The following PMEPA1 variants were observed in gnomAD, a reference collection of about 807,000 sequenced individuals.
PMEPA1 encodes the protein protein TMEPAI.
PMEPA1 carries 11 observed loss-of-function variants against 23.0 expected under a neutral mutation model. The ratio of observed to expected loss-of-function variants is 0.48; its 90% CI spans 0.30 to 0.79. The LOEUF is 0.79. PMEPA1 is among the 30% of genes least tolerant of loss of function. The pLI is 0.06. For missense variants in PMEPA1, 377 were observed against 390.9 expected (o/e 0.96, Z 0.30); for synonymous variants, 204 against 166.4 (o/e 1.23, Z -1.74).
chr20:57,656,120 G>A lies in PMEPA1; in HGVS notation c.265-3034C>T, dbSNP rs1350232794. On this transcript the variant is annotated intron_variant, in intron 2 of 3. Transcript: ENST00000341744. The surrounding 1 kb of genome is among the most constrained non-coding windows in gnomAD (Gnocchi z 4.7). ...ACGGGATGGCCTTCTATCAAACTTCGAGGACTCAGAGATGTTTCTAAAGAA... is the reference window on the plus strand; with the variant it reads ...ACGGGATGGCCTTCTATCAAACTTCAAGGACTCAGAGATGTTTCTAAAGAA... 6.6e-6 allele frequency among the ~76,000 whole-genome samples: 1 copy of A among 151,350 alleles called. No homozygotes were observed. Among genetic ancestry groups the A allele is most frequent in the Non-Finnish European group, 1.5e-5 (1 of 67,704 alleles).
At chr20:57,662,868 C>T (rs1038682930) in intron 1 of PMEPA1, among the ~76,000 whole-genome samples, 4 of 152,158 alleles carry the variant, frequency 2.6e-5, no homozygotes, top group Admixed American at 6.5e-5. Flanking sequence ...CCTGGCAGCC[C>T]GCAGGACCCA....
intron 1 of PMEPA1, among the ~76,000 whole-genome samples, chr20:57,677,480 A>C (rs2071653824): frequency 6.6e-6 from 1 of 152,184 alleles, no homozygotes; most frequent in African/African-American, 2.4e-5. Flanking sequence ...GGCTAACACC[A>C]CACCTGACAC....
chr20:57,702,371 G>C (rs1366546216), intron 1 of PMEPA1, among the ~76,000 whole-genome samples: 2 of 152,246 alleles, frequency 1.3e-5, no homozygotes, highest in Admixed American at 6.5e-5. Flanking sequence ...GAGAGCTGGA[G>C]ACAGAGACAC....
chr20:57,698,007 G>A (rs1470333593), intron 1 of PMEPA1, among the ~76,000 whole-genome samples: 1 of 152,170 alleles, frequency 6.6e-6, no homozygotes, highest in Non-Finnish European at 1.5e-5. Flanking sequence ...TTAAACATTT[G>A]TTTCATGGTA....
chr20:57,674,939 G>A lies in PMEPA1; in HGVS notation c.110-15242C>T, dbSNP rs116580127. 3.6e-3 allele frequency among the ~76,000 whole-genome samples: 549 copies of A among 152,318 alleles called. 5 individuals are homozygous for A. Among genetic ancestry groups the A allele is most frequent in the African/African-American group, 0.012 (505 of 41,568 alleles). ...TCTGGACAGATGAATGTGGACATAC[G>A]AGGAATAGCTTGGAATCTTCTAAAG... On this transcript the variant is annotated intron_variant, in intron 1 of 3. Coordinates refer to ENST00000341744, the MANE Select transcript of PMEPA1 (RefSeq NM_020182.5).
chr20:57,671,579 CATATAT>C (rs1012105556), intron 1 of PMEPA1, among the ~76,000 whole-genome samples: 1 of 151,856 alleles, frequency 6.6e-6, no homozygotes, highest in Non-Finnish European at 1.5e-5. Flanking sequence ...TATCCCTGTT[CATATAT>C]ATATATTGCA....
intron 1 of PMEPA1, among the ~76,000 whole-genome samples, chr20:57,692,487 C>G (rs2071895271): frequency 6.6e-6 from 1 of 152,120 alleles, no homozygotes; most frequent in African/African-American, 2.4e-5. Flanking sequence ...TACTCCTGAG[C>G]CCGGTCCCCC....
At position 57,684,243 on chromosome 20, in the gene PMEPA1, A is replaced by G. The variant is rs114539186; in HGVS notation, c.110-24546T>C. On this transcript the variant is annotated intron_variant, in intron 1 of 3. Transcript: ENST00000341744. ...AAATTTATGGCTTTGCAGCAGGTCA[A>G]TGGTAATGACAATAGTTTTCACGGG... Among the ~76,000 whole-genome samples the G allele has an allele frequency of 7.0e-3, 1,041 of 148,610 alleles. 11 individuals carry two copies. The highest frequency in any genetic ancestry group is 0.023 in the African/African-American group (931 of 40,984).
chr20:57,685,918 T>A (rs1412427123), intron 1 of PMEPA1, among the ~76,000 whole-genome samples: 1 of 152,170 alleles, frequency 6.6e-6, no homozygotes, highest in African/African-American at 2.4e-5. Flanking sequence ...ACTTTGCATT[T>A]TAGCCCTTCT....
chr20:57,669,072 G>C (rs2071532150), intron 1 of PMEPA1, among the ~76,000 whole-genome samples: 1 of 152,108 alleles, frequency 6.6e-6, no homozygotes, highest in Admixed American at 6.5e-5. Flanking sequence ...ATTCTCCATG[G>C]TGTCCTCAGC....
chr20:57,702,704 T>C (rs1037579731), intron 1 of PMEPA1, among the ~76,000 whole-genome samples: 3 of 152,210 alleles, frequency 2.0e-5, no homozygotes, highest in Non-Finnish European at 4.4e-5. Flanking sequence ...CTGTGTGACC[T>C]CGAGCAAGTA....
chr20:57,701,983 G>C (rs2072017685), intron 1 of PMEPA1, among the ~76,000 whole-genome samples: 1 of 152,142 alleles, frequency 6.6e-6, no homozygotes, highest in South Asian at 2.1e-4. Flanking sequence ...ACAGGAGGAA[G>C]GCCAGGGTGC....
intron 1 of PMEPA1, among the ~76,000 whole-genome samples, chr20:57,673,142 C>T (rs538639720): frequency 6.6e-6 from 1 of 152,226 alleles, no homozygotes; most frequent in South Asian, 2.1e-4. Flanking sequence ...TCTTGGCCGC[C>T]AGCACCCTGG....
intron 1 of PMEPA1, among the ~76,000 whole-genome samples, chr20:57,706,275 T>C (rs2072086151): frequency 6.6e-6 from 1 of 151,996 alleles, no homozygotes; most frequent in Admixed American, 6.5e-5. Context: ...TTTGAGGCAA[T>C]AACCAGAGGA....
intron 1 of PMEPA1, among the ~76,000 whole-genome samples, chr20:57,693,745 C>T (rs571173789): frequency 6.6e-6 from 1 of 152,046 alleles, no homozygotes; most frequent in East Asian, 1.9e-4. Flanking sequence ...ACATCGAGAT[C>T]TTGGTTAAAA....
chr20:57,679,974 G>A (rs1374986679), intron 1 of PMEPA1, among the ~76,000 whole-genome samples: 2 of 152,202 alleles, frequency 1.3e-5, no homozygotes, highest in Non-Finnish European at 2.9e-5. Flanking sequence ...CAGTTCCTTG[G>A]GTACAGGCTG....
At chr20:57,672,920 G>A (rs1018680280) in intron 1 of PMEPA1, among the ~76,000 whole-genome samples, 2 of 152,226 alleles carry the variant, frequency 1.3e-5, no homozygotes, top group Non-Finnish European at 2.9e-5. Flanking sequence ...ATCTGGAAAA[G>A]CGGAATACCA....
rs140986117 is a variant in PMEPA1 at position 57,669,257 on chromosome 20, G to T, written c.110-9560C>A. 1.6e-3 allele frequency among the ~76,000 whole-genome samples: 241 copies of T among 152,044 alleles called. 4 individuals carry two copies. The East Asian group carries it at 0.033, about 21-fold the overall frequency. ...GACTCACTGCAACCTCCACCTCCTG[G>T]TCAGGCAATTCTTGTGCCTCAGCCT... On this transcript the variant is annotated intron_variant, in intron 1 of 3. Coordinates refer to ENST00000341744, the MANE Select transcript of PMEPA1 (RefSeq NM_020182.5).
intron 1 of PMEPA1, among the ~76,000 whole-genome samples, chr20:57,669,807 C>T (rs1382338854): frequency 6.6e-6 from 1 of 152,114 alleles, no homozygotes; most frequent in Non-Finnish European, 1.5e-5. Context: ...GGGGACATCC[C>T]TTCCGTGTAA....
Sources: allele counts gnomAD v4.1 joint callset (sites outside exome capture counted in the v4.1 genomes callset), GRCh38; gene constraint gnomAD v4.1.1; non-coding constraint Gnocchi (gnomAD v3.1); transcripts MANE v1.5; gene names NCBI Gene and HGNC (gene_info 2026-07-23, HGNC 2026-07-21).